Variants in FBXL17 observed in about 807,000 individuals in gnomAD.
FBXL17 encodes the protein F-box and leucine rich repeat protein 17.
A neutral mutation model predicts 66.2 loss-of-function variants in FBXL17; 22 were observed. The observed-to-expected ratio is 0.33, with a 90% CI of 0.24 to 0.47. The LOEUF is 0.47. FBXL17 is among the 20% of genes least tolerant of loss of function. FBXL17 has a pLI of 1.00. For synonymous variants in FBXL17, 474 were observed against 400.5 expected (o/e 1.18, Z -2.19); for missense variants, 878 against 948.2 (o/e 0.93, Z 0.97).
At chr5:108,150,325 A>G (rs1178221551) in intron 6 of FBXL17, among the ~76,000 whole-genome samples, 2 of 151,838 alleles carry the variant, frequency 1.3e-5, no homozygotes, top group Non-Finnish European at 2.9e-5. Context: ...CACCTCAGCC[A>G]CCCCAGTAGC....
At chr5:107,980,939 C>T (rs909918487) in intron 7 of FBXL17, among the ~76,000 whole-genome samples, 21 of 151,984 alleles carry the variant, frequency 1.4e-4, no homozygotes, top group African/African-American at 3.4e-4. Flanking sequence ...GCACCGCGCC[C>T]GGCCAAAATA....
Position 108,049,289 on chromosome 5 carries a change from C to T in FBXL17, c.1746-28288G>A, listed in dbSNP as rs184480146. Among the ~76,000 whole-genome samples the T allele has an allele frequency of 5.8e-3, 884 of 152,010 alleles. 5 individuals are homozygous for T. The highest frequency in any genetic ancestry group is 0.018 in the African/African-American group (735 of 41,478). The stretch of plus-strand genomic sequence containing the variant: ...TCCCAAGTAGATGGGATTACAGGCA[C>T]CCACCACCACACCCAGCTAATTTTT... On this transcript the variant is annotated intron_variant, in intron 6 of 8. Transcript: ENST00000542267.
In FBXL17 at chr5:108,230,577, T is replaced by C. The variant is rs535092659; in HGVS notation, c.1507-6349A>G. 5.9e-5 allele frequency among the ~76,000 whole-genome samples: 9 copies of C among 151,868 alleles called. 1 individual carries two copies. In the South Asian group the frequency reaches 1.9e-3, roughly 32 times the overall value. Reference sequence around the variant, plus strand: ...GACTTTGGAGACTCAGAGGAAAGGGTAGGAGGGGGGTAAGGGATAAAAGAC... The same window carrying C: ...GACTTTGGAGACTCAGAGGAAAGGGCAGGAGGGGGGTAAGGGATAAAAGAC... On this transcript the variant is annotated intron_variant, in intron 4 of 8. Transcript: ENST00000542267.
chr5:107,995,522 C>G (rs913922641), intron 7 of FBXL17, among the ~76,000 whole-genome samples: 9 of 151,922 alleles, frequency 5.9e-5, no homozygotes, highest in African/African-American at 2.2e-4. Flanking sequence ...CAAACTTTCC[C>G]TTACTTTTAA....
At chr5:107,898,442 T>C (rs1276591509) in intron 7 of FBXL17, among the ~76,000 whole-genome samples, 2 of 152,128 alleles carry the variant, frequency 1.3e-5, no homozygotes, top group Non-Finnish European at 2.9e-5. Flanking sequence ...TTTATGATGA[T>C]TCATTTCCAC....
chr5:108,029,908 G>A (rs1754969147), intron 6 of FBXL17, among the ~76,000 whole-genome samples: 1 of 151,998 alleles, frequency 6.6e-6, no homozygotes, highest in Non-Finnish European at 1.5e-5. Context: ...AGGCTATCAG[G>A]CCATTTCAGT....
At chr5:107,905,057 C>CTATATATATA (rs141059143) in intron 7 of FBXL17, among the ~76,000 whole-genome samples, 1 of 145,954 alleles carries the variant, frequency 6.9e-6, no homozygotes, top group African/African-American at 2.5e-5. Flanking sequence ...AACTTTTTTG[C>CTATATATATA]TATATATATA....
intron 4 of FBXL17, among the ~76,000 whole-genome samples, chr5:108,326,873 G>A (rs1391827667): frequency 6.6e-6 from 1 of 152,088 alleles, no homozygotes; most frequent in Non-Finnish European, 1.5e-5. Context: ...TTGCTAGCAG[G>A]AGTAAAAAAT....
At chr5:107,979,707 A>G (rs768811571) in intron 7 of FBXL17, among the ~76,000 whole-genome samples, 1 of 152,194 alleles carries the variant, frequency 6.6e-6, no homozygotes, top group Non-Finnish European at 1.5e-5. Context: ...GACCATTTCT[A>G]TTACGGGGCT....
chr5:108,239,408 G>C (rs1391398915), intron 4 of FBXL17, among the ~76,000 whole-genome samples: 1 of 152,206 alleles, frequency 6.6e-6, no homozygotes, highest in Non-Finnish European at 1.5e-5. Flanking sequence ...GGAAGAGACA[G>C]TGCCATGACT....
At chr5:108,250,405 AAACT>A (rs1030686126) in intron 4 of FBXL17, among the ~76,000 whole-genome samples, 11 of 152,264 alleles carry the variant, frequency 7.2e-5, no homozygotes, top group East Asian at 1.9e-4. Context: ...ATCATTTTTT[AAACT>A]AACAAGGCAA....
chr5:108,126,223 CA>C (rs143914992), intron 6 of FBXL17, among the ~76,000 whole-genome samples: 52 of 147,254 alleles, frequency 3.5e-4, no homozygotes, highest in Non-Finnish European at 5.7e-4. Context: ...AAAAATCAGG[CA>C]AAAAAAAAAT....
In FBXL17 at chr5:108,308,714, T is replaced by C. The variant is rs34963066; in HGVS notation, c.1506+39685A>G. 3.3e-3 allele frequency among the ~76,000 whole-genome samples: 507 copies of C among 152,284 alleles called. 2 individuals are homozygous for C. Among genetic ancestry groups the C allele is most frequent in the Non-Finnish European group, 5.6e-3 (383 of 67,986 alleles). ...TTTGGCCTTCACTTCCTCCATCCTTTACCTGTAGTTGATAAGACAACTATT... is the reference window on the plus strand; with the variant it reads ...TTTGGCCTTCACTTCCTCCATCCTTCACCTGTAGTTGATAAGACAACTATT... On this transcript the variant is annotated intron_variant, in intron 4 of 8. Coordinates refer to ENST00000542267, the MANE Select transcript of FBXL17 (RefSeq NM_001163315.3).
intron 1 of FBXL17, among the ~76,000 whole-genome samples, chr5:108,373,042 T>C (rs1749145467): frequency 6.6e-6 from 1 of 151,590 alleles, no homozygotes. Context: ...TATATACCAC[T>C]GAAACTAAAC....
intron 6 of FBXL17, among the ~76,000 whole-genome samples, chr5:108,083,232 C>CAG (rs1260893272): frequency 1.5e-5 from 2 of 133,642 alleles, no homozygotes; most frequent in Non-Finnish European, 3.1e-5. Flanking sequence ...CACACACACA[C>CAG]ACACACACAC....
At chr5:108,215,440 G>A (rs1055970569) in intron 5 of FBXL17, among the ~76,000 whole-genome samples, 5 of 152,132 alleles carry the variant, frequency 3.3e-5, no homozygotes, top group East Asian at 1.9e-4. Flanking sequence ...TGGGGTTTCC[G>A]ATTTGCATTT....
chr5:108,379,748 TTAA>T (rs1050702699), intron 1 of FBXL17, among the ~76,000 whole-genome samples: 6 of 152,140 alleles, frequency 3.9e-5, no homozygotes, highest in African/African-American at 9.7e-5. Flanking sequence ...AGGGAAAAAG[TTAA>T]TAATAACTTA....
At chr5:108,002,013 A>G (rs1024721236) in intron 7 of FBXL17, among the ~76,000 whole-genome samples, 15 of 151,782 alleles carry the variant, frequency 9.9e-5, no homozygotes, top group Non-Finnish European at 2.2e-4. Context: ...TCAAATTGCA[A>G]ATTTCTCTTG....
intron 7 of FBXL17, among the ~76,000 whole-genome samples, chr5:107,927,888 T>A (rs540208670): frequency 2.0e-5 from 3 of 152,194 alleles, no homozygotes; most frequent in African/African-American, 7.2e-5. Context: ...ATGTTGGCAA[T>A]TACTCTTTTA....
Sources: allele counts gnomAD v4.1 joint callset (sites outside exome capture counted in the v4.1 genomes callset), GRCh38; gene constraint gnomAD v4.1.1; transcripts MANE v1.5; gene names NCBI Gene and HGNC (gene_info 2026-07-23, HGNC 2026-07-21).